The following DPP6 variants were observed in gnomAD, a reference collection of about 807,000 sequenced individuals.
DPP6 encodes A-type potassium channel modulatory protein DPP6.
DPP6 carries 69 observed loss-of-function variants against 122.6 expected under a neutral mutation model. That is an observed-to-expected ratio of 0.56 (90% CI 0.46 to 0.69). The LOEUF (loss-of-function observed/expected upper bound fraction) is 0.69, where lower values mean the gene tolerates loss of function less well. Ranked by LOEUF, DPP6 falls within the 30% of genes least tolerant of loss-of-function variation. The pLI, the probability that DPP6 is intolerant of heterozygous loss-of-function variation, is 0.00. For synonymous variants in DPP6, 418 were observed against 433.1 expected (o/e 0.97, Z 0.43); for missense variants, 928 against 1,116.9 (o/e 0.83, Z 2.41).
intron 7 of DPP6, among the ~76,000 whole-genome samples, chr7:154,691,324 T>C (rs1839919898): frequency 6.6e-6 from 1 of 152,188 alleles, no homozygotes; most frequent in Non-Finnish European, 1.5e-5. Context: ...TGTCTCTTTT[T>C]AACAAATGGA....
chr7:153,904,888 A>G (rs925882349), intron 1 of DPP6, among the ~76,000 whole-genome samples: 1 of 152,244 alleles, frequency 6.6e-6, no homozygotes, highest in Non-Finnish European at 1.5e-5. Flanking sequence ...ATTTGATCAC[A>G]GTTTTACACA....
chr7:154,263,676 CT>C (rs904581015), intron 1 of DPP6, among the ~76,000 whole-genome samples: 1 of 151,524 alleles, frequency 6.6e-6, no homozygotes, highest in Admixed American at 6.6e-5. Context: ...CTGTTATGTT[CT>C]TTTTATTATT....
chr7:154,013,256 G>A (rs546546466), intron 1 of DPP6, among the ~76,000 whole-genome samples: 9 of 152,200 alleles, frequency 5.9e-5, no homozygotes, highest in Non-Finnish European at 1.3e-4. Context: ...TATAGTGAGA[G>A]AGGAAGCCTG....
chr7:154,255,876 T>C (rs1802627814), intron 1 of DPP6, among the ~76,000 whole-genome samples: 1 of 152,186 alleles, frequency 6.6e-6, no homozygotes, highest in Admixed American at 6.5e-5. Context: ...CAATAAATAC[T>C]TGGTGTTTTA....
At chr7:153,927,399 T>A (rs1049443732) in intron 1 of DPP6, among the ~76,000 whole-genome samples, 21 of 152,234 alleles carry the variant, frequency 1.4e-4, no homozygotes, top group African/African-American at 5.1e-4. Flanking sequence ...ACATGTATAC[T>A]TTGTAAAATG....
chr7:153,956,896 C>G (rs1275281143), intron 1 of DPP6, among the ~76,000 whole-genome samples: 1 of 152,154 alleles, frequency 6.6e-6, no homozygotes. Context: ...TTAGTTCTAA[C>G]CAGCTCCTTA....
chr7:154,454,089 C>A (rs927950864), intron 2 of DPP6, among the ~76,000 whole-genome samples: 8 of 152,092 alleles, frequency 5.3e-5, no homozygotes, highest in African/African-American at 1.9e-4. Flanking sequence ...AAATTCATTC[C>A]ACAAATTCAA....
At chr7:153,869,224 A>G in the DPP6 span, among the ~76,000 whole-genome samples, 1 of 151,924 alleles carries the variant, frequency 6.6e-6, no homozygotes, top group Non-Finnish European at 1.5e-5. Flanking sequence ...TTTCTGTCTC[A>G]TTGATCTGTC....
intron 5 of DPP6, among the ~76,000 whole-genome samples, chr7:154,610,219 C>A (rs1274807883): frequency 6.6e-6 from 1 of 152,154 alleles, no homozygotes; most frequent in Non-Finnish European, 1.5e-5. Flanking sequence ...GTAGCAAATT[C>A]TGAGTACCAA....
intron 1 of DPP6, among the ~76,000 whole-genome samples, chr7:154,120,977 G>A (rs1007168297): frequency 2.0e-5 from 3 of 152,102 alleles, no homozygotes; most frequent in Non-Finnish European, 2.9e-5. Flanking sequence ...TGAATCCTGG[G>A]GCTGGTTTCC....
intron 1 of DPP6, among the ~76,000 whole-genome samples, chr7:154,216,374 A>G (rs1799995767): frequency 6.6e-6 from 1 of 152,316 alleles, no homozygotes; most frequent in African/African-American, 2.4e-5. Context: ...TTGAGGATGC[A>G]TAATCAAGGG....
chr7:154,456,691 C>A (rs540605606), intron 2 of DPP6, among the ~76,000 whole-genome samples: 24 of 152,104 alleles, frequency 1.6e-4, no homozygotes, highest in Non-Finnish European at 3.1e-4. Context: ...CCTTAGTTAT[C>A]CAATGGAACC....
intron 1 of DPP6, among the ~76,000 whole-genome samples, chr7:154,328,651 A>G (rs1413191977): frequency 1.3e-5 from 2 of 152,216 alleles, no homozygotes; most frequent in East Asian, 1.9e-4. Flanking sequence ...CTTAGTGATC[A>G]TTAAATTCAT....
At chr7:154,571,731 T>C (rs944432041) in intron 5 of DPP6, among the ~76,000 whole-genome samples, 8 of 152,282 alleles carry the variant, frequency 5.3e-5, no homozygotes, top group African/African-American at 1.9e-4. Flanking sequence ...AATCACACAG[T>C]CATTCAGTCA....
chr7:154,669,534 G>A (rs1251512744), intron 7 of DPP6, 93 bp downstream of exon 7: 6 of 1,392,732 alleles, frequency 4.3e-6, no homozygotes, highest in African/African-American at 2.4e-5. Flanking sequence ...GCCTGTACAT[G>A]GTGTTGTGTG....
chr7:153,878,770 C>T, the DPP6 span, among the ~76,000 whole-genome samples: 5 of 152,122 alleles, frequency 3.3e-5, no homozygotes, highest in Admixed American at 3.3e-4. Flanking sequence ...AAATGTCGTA[C>T]TTCAACAAGA....
exon 1 of DPP6, chr7:153,887,484 T>G: frequency 3.8e-6 from 2 of 525,534 alleles, no homozygotes; most frequent in Admixed American, 6.0e-5. Flanking sequence ...AAGAGTTGAT[T>G]GCTATTGGGA....
At chr7:154,186,082 G>A (rs1451742576) in intron 1 of DPP6, among the ~76,000 whole-genome samples, 1 of 152,206 alleles carries the variant, frequency 6.6e-6, no homozygotes, top group Non-Finnish European at 1.5e-5. Flanking sequence ...GTTGCTTAGT[G>A]CCCTGTATTA....
intron 1 of DPP6, among the ~76,000 whole-genome samples, chr7:154,059,951 C>A (rs577040641): frequency 6.6e-6 from 1 of 151,172 alleles, no homozygotes; most frequent in East Asian, 1.9e-4. Flanking sequence ...AAAGGGCCCC[C>A]ATTTTGTGAT....
Sources: allele counts gnomAD v4.1 joint callset (sites outside exome capture counted in the v4.1 genomes callset), GRCh38; gene constraint gnomAD v4.1.1; transcripts MANE v1.5; gene names NCBI Gene and HGNC (gene_info 2026-07-23, HGNC 2026-07-21).